Variants in KLF12 observed in about 807,000 individuals in gnomAD.
The protein encoded by KLF12 is Krueppel-like factor 12.
A neutral mutation model predicts 37.8 loss-of-function variants in KLF12; 9 were observed. That is an observed-to-expected ratio of 0.24 (90% CI 0.14 to 0.42). The LOEUF (loss-of-function observed/expected upper bound fraction) is 0.42, where lower values mean the gene tolerates loss of function less well. Ranked by LOEUF, KLF12 falls within the 10% of genes least tolerant of loss-of-function variation. The pLI, the probability that KLF12 is intolerant of heterozygous loss-of-function variation, is 1.00. For missense variants in KLF12, 411 were observed against 516.0 expected, an observed-to-expected ratio of 0.80 and a Z score of 1.97; for synonymous variants, 208 against 202.1, an observed-to-expected ratio of 1.03 and a Z score of -0.25.
chr13:74,285,685 G>T, the KLF12 span, among the ~76,000 whole-genome samples: 1 of 152,082 alleles, frequency 6.6e-6, no homozygotes, highest in Non-Finnish European at 1.5e-5. Context: ...TTCTAGTCCT[G>T]GTTCTGTTAC....
At chr13:74,283,735 AG>A in the KLF12 span, among the ~76,000 whole-genome samples, 1 of 152,198 alleles carries the variant, frequency 6.6e-6, no homozygotes, top group African/African-American at 2.4e-5. Flanking sequence ...GACCGATGTG[AG>A]ATTAAATTAT....
intron 3 of KLF12, among the ~76,000 whole-genome samples, chr13:73,926,058 C>A (rs1335258170): frequency 6.6e-6 from 1 of 151,548 alleles, no homozygotes; most frequent in African/African-American, 2.4e-5. Flanking sequence ...ATTGTTGAAA[C>A]AACAACAAAA....
At chr13:73,959,697 C>T (rs1890959734) in intron 2 of KLF12, among the ~76,000 whole-genome samples, 2 of 151,758 alleles carry the variant, frequency 1.3e-5, no homozygotes, top group Non-Finnish European at 2.9e-5. Flanking sequence ...TGAAGTGATT[C>T]TCATTATGGT....
At chr13:73,955,766 T>C (rs1357887617) in intron 2 of KLF12, among the ~76,000 whole-genome samples, 1 of 152,222 alleles carries the variant, frequency 6.6e-6, no homozygotes, top group Non-Finnish European at 1.5e-5. Flanking sequence ...ATTTGAGCCC[T>C]GGAAAACTTT....
At chr13:73,879,061 A>C (rs962569029) in intron 3 of KLF12, among the ~76,000 whole-genome samples, 3 of 152,234 alleles carry the variant, frequency 2.0e-5, no homozygotes, top group Non-Finnish European at 4.4e-5. Flanking sequence ...GGAGAAAAAC[A>C]AGAACTTTCC....
At chr13:74,079,738 T>G (rs904090285) in intron 1 of KLF12, among the ~76,000 whole-genome samples, 8 of 152,154 alleles carry the variant, frequency 5.3e-5, no homozygotes, top group Admixed American at 3.9e-4. Flanking sequence ...AAATAAGTGT[T>G]AGCAAGAAAG....
chr13:73,747,799 C>T (rs1008346990), intron 6 of KLF12, among the ~76,000 whole-genome samples: 3 of 152,258 alleles, frequency 2.0e-5, no homozygotes, highest in African/African-American at 7.2e-5. Context: ...TATATAGTAA[C>T]TGAAATATGA....
chr13:74,280,311 T>C, the KLF12 span, among the ~76,000 whole-genome samples: 3 of 152,068 alleles, frequency 2.0e-5, no homozygotes, highest in Non-Finnish European at 4.4e-5. Flanking sequence ...TTGGGTAGAG[T>C]GTAATGACCA....
At chr13:74,004,032 G>A (rs977759141) in intron 1 of KLF12, among the ~76,000 whole-genome samples, 3 of 151,984 alleles carry the variant, frequency 2.0e-5, no homozygotes, top group South Asian at 2.1e-4. Context: ...GGGCTCACAC[G>A]TATCCCCCAA....
chr13:73,918,122 CAG>C (rs377753257), intron 3 of KLF12, among the ~76,000 whole-genome samples: 47 of 149,358 alleles, frequency 3.1e-4, no homozygotes, highest in East Asian at 5.8e-4. Context: ...TCTATGTATA[CAG>C]AGAGAGAGAG....
chr13:74,112,875 C>T (rs906290296), intron 1 of KLF12, among the ~76,000 whole-genome samples: 2 of 152,194 alleles, frequency 1.3e-5, no homozygotes, highest in Admixed American at 6.5e-5. Flanking sequence ...AGCCAGGCCT[C>T]TTGTGCCAAA....
intron 1 of KLF12, among the ~76,000 whole-genome samples, chr13:74,119,332 C>A (rs6562801): frequency 3.2e-4 from 46 of 142,188 alleles, no homozygotes; most frequent in South Asian, 2.9e-3. Context: ...ACTCTTATCG[C>A]AAAAAAAAAA....
chr13:73,762,290 G>C (rs9600166), intron 6 of KLF12, among the ~76,000 whole-genome samples: 16,619 of 152,062 alleles, frequency 0.11, 983 homozygotes, highest in Middle Eastern at 0.14. Flanking sequence ...TTTTTCTTCA[G>C]CTCCAGAGGA....
At chr13:74,277,424 G>T in the KLF12 span, among the ~76,000 whole-genome samples, 11 of 152,258 alleles carry the variant, frequency 7.2e-5, no homozygotes, top group African/African-American at 2.6e-4. Flanking sequence ...TTCCCTGGTA[G>T]TCACGGTATT....
chr13:74,208,875 C>T, the KLF12 span, among the ~76,000 whole-genome samples: 9 of 152,094 alleles, frequency 5.9e-5, no homozygotes, highest in East Asian at 5.8e-4. Context: ...CTTTATTTTG[C>T]GTTGGGAATG....
intron 4 of KLF12, among the ~76,000 whole-genome samples, chr13:73,839,355 G>C (rs192830536): frequency 6.7e-6 from 1 of 149,132 alleles, no homozygotes; most frequent in Non-Finnish European, 1.5e-5. Flanking sequence ...TGCCTTCATT[G>C]GCCTCCCAAA....
At chr13:73,976,499 C>A (rs185312433) in intron 2 of KLF12, among the ~76,000 whole-genome samples, 1 of 152,148 alleles carries the variant, frequency 6.6e-6, no homozygotes, top group African/African-American at 2.4e-5. Context: ...TGTTAACACT[C>A]CAAGCCAAGC....
chr13:74,088,985 G>A (rs560633309), intron 1 of KLF12, among the ~76,000 whole-genome samples: 3 of 152,302 alleles, frequency 2.0e-5, no homozygotes, highest in African/African-American at 7.2e-5. Context: ...TAAAACGCCT[G>A]TGTAGTAAAT....
chr13:73,935,073 G>A (rs530302846), intron 3 of KLF12, among the ~76,000 whole-genome samples: 3 of 151,730 alleles, frequency 2.0e-5, no homozygotes, highest in Non-Finnish European at 4.4e-5. Flanking sequence ...TCCACCTCCC[G>A]GGCTCAAGTG....
Sources: allele counts gnomAD v4.1 joint callset (sites outside exome capture counted in the v4.1 genomes callset), GRCh38; gene constraint gnomAD v4.1.1; transcripts MANE v1.5; gene names NCBI Gene and HGNC (gene_info 2026-07-23, HGNC 2026-07-21).